Variants in ERLIN1 observed in about 807,000 individuals in gnomAD.
The protein encoded by ERLIN1 is erlin-1.
Under a neutral mutation model 46.9 loss-of-function variants are expected in ERLIN1, and 24 were observed. That is an observed-to-expected ratio of 0.51 (90% CI 0.37 to 0.72). The LOEUF is 0.72. Ranked by LOEUF, ERLIN1 falls within the 30% of genes least tolerant of loss-of-function variation. The probability of loss-of-function intolerance (pLI) is 0.00; values close to 1 mark genes in which losing one functional copy is unlikely to be tolerated. For synonymous variants in ERLIN1, 158 were observed against 143.2 expected (o/e 1.10, Z -0.74); for missense variants, 293 against 417.9 (o/e 0.70, Z 2.61).
intron 3 of ERLIN1, among the ~76,000 whole-genome samples, 189 bp from the exon 4 acceptor site, chr10:100,178,383 T>C (rs1431909819): frequency 6.6e-6 from 1 of 152,238 alleles, no homozygotes; most frequent in African/African-American, 2.4e-5. Context: ...CTTGTAATAG[T>C]CATTTAAAAT....
chr10:100,183,958 T>C, intron 1 of ERLIN1, 121 bp from the exon 2 acceptor site: 5 of 663,326 alleles, frequency 7.5e-6, no homozygotes, highest in Non-Finnish European at 2.6e-6. Context: ...GCCTCACTAA[T>C]ATGAATTGCT....
At chr10:100,184,320 T>C (rs569472174) in intron 1 of ERLIN1, among the ~76,000 whole-genome samples, 99 of 152,204 alleles carry the variant, frequency 6.5e-4, no homozygotes, top group African/African-American at 2.2e-3. Flanking sequence ...GTAATTAAAA[T>C]ACTGGGAACA....
chr10:100,172,447 T>C (rs1325581041), intron 6 of ERLIN1, among the ~76,000 whole-genome samples: 1 of 152,230 alleles, frequency 6.6e-6, no homozygotes, highest in African/African-American at 2.4e-5. Flanking sequence ...AACGTGTGTG[T>C]ATAAAAATTC....
intron 1 of ERLIN1, among the ~76,000 whole-genome samples, chr10:100,184,843 A>G (rs1328995915): frequency 1.3e-5 from 2 of 152,192 alleles, no homozygotes; most frequent in Non-Finnish European, 2.9e-5. Flanking sequence ...GCTCTTTTTG[A>G]ATACACCATT....
chr10:100,178,173 A>G lies in ERLIN1; in HGVS notation c.264T>C (p.Ile88=), dbSNP rs1844422734. ...ACATATTAACCACTTCTATTCGGTC[A>G]ATATAGATCATGACCCCACCACTAA... ...CGTSGGVMIY[I]DRIEVVNMLA... is the part of the protein sequence containing the mutation. The change falls in exon 4 of 11, where the codon ATT becomes ATC. Residue 88 remains isoleucine, a synonymous_variant. Coordinates refer to ENST00000421367, the MANE Select transcript of ERLIN1 (RefSeq NM_006459.4). 1 of 1,576,464 alleles carries G rather than the reference A, an allele frequency of 6.3e-7. No homozygotes were observed. The highest frequency in any genetic ancestry group is 1.3e-5 in the African/African-American group (1 of 74,122).
rs373866018 is a variant in ERLIN1, at chr10:100,177,316, A to G, written c.304+817T>C. On this transcript the variant is annotated intron_variant, in intron 4 of 10. Coordinates refer to ENST00000421367, the MANE Select transcript of ERLIN1 (RefSeq NM_006459.4). ...TAATCAAGGAAAGGAGAGGAAAAAA[A>G]GACAAGGAAAATGCTTACTCTCTGA... Among the ~76,000 whole-genome samples the G allele has an allele frequency of 4.7e-4, 71 of 152,318 alleles. 1 individual carries two copies. The East Asian group carries it at 0.012, about 26-fold the overall frequency.
intron 7 of ERLIN1, among the ~76,000 whole-genome samples, chr10:100,165,050 A>C (rs1474710334): frequency 6.6e-6 from 1 of 152,220 alleles, no homozygotes. Context: ...CTAAACCTGT[A>C]ATGGAAATGG....
chr10:100,161,723 GGA>G (rs1197305308), intron 8 of ERLIN1, among the ~76,000 whole-genome samples: 11 of 152,050 alleles, frequency 7.2e-5, no homozygotes, highest in Non-Finnish European at 1.5e-4. Flanking sequence ...TATTGAGGAA[GGA>G]GAGACCAAAA....
At chr10:100,154,496 G>C (rs979252028) in intron 10 of ERLIN1, among the ~76,000 whole-genome samples, 2 of 152,158 alleles carry the variant, frequency 1.3e-5, no homozygotes, top group Non-Finnish European at 2.9e-5. Context: ...CAAATGCCAG[G>C]AATGCCTTTG....
In ERLIN1 at chr10:100,183,747, A is replaced by T; in HGVS notation, c.195+9T>A. The T allele has an allele frequency of 6.3e-7, 1 of 1,596,712 alleles. No homozygotes were observed. The highest frequency in any genetic ancestry group is 8.6e-7 in the Non-Finnish European group (1 of 1,166,072). On this transcript the variant is annotated intron_variant, in intron 2 of 10. Transcript: ENST00000421367. ...TCTGGTATGGAGGCTTCCCCTAGGA[A>T]TCACTCACCTGCACAGATCTGAACG...
intron 8 of ERLIN1, among the ~76,000 whole-genome samples, chr10:100,158,385 G>C (rs1341269882): frequency 2.0e-5 from 3 of 152,200 alleles, no homozygotes; most frequent in African/African-American, 7.2e-5. Flanking sequence ...GGTGCAAGCA[G>C]CCAAACAAAA....
intron 6 of ERLIN1, among the ~76,000 whole-genome samples, chr10:100,171,693 G>A (rs1203106928): frequency 1.3e-5 from 2 of 152,184 alleles, no homozygotes; most frequent in Non-Finnish European, 2.9e-5. Flanking sequence ...TTACAGATGT[G>A]AGCCGCTATG....
Position 100,152,431 on chromosome 10 carries a change from C to T in ERLIN1, c.826-79G>A, listed in dbSNP as rs1032567154. 28 of 846,802 alleles carry T rather than the reference C, an allele frequency of 3.3e-5. No homozygotes were observed. In the South Asian group the frequency reaches 3.7e-4, roughly 11 times the overall value. The allele number at this position is 846,802 out of a possible 1,614,324, so 52.5% of individuals were successfully genotyped here. On this transcript the variant is annotated intron_variant, in intron 10 of 10. Coordinates refer to ENST00000421367, the MANE Select transcript of ERLIN1 (RefSeq NM_006459.4). ...TTCTCTCTCCCTATATACATTTCAC[C>T]TATTGCTCTCCTGAGTATCATGAGT...
rs192774670 is a variant in ERLIN1 at position 100,151,819 on chromosome 10, C to T, written c.*312G>A. On this transcript the variant is annotated 3_prime_UTR_variant, in exon 11 of 11. Transcript: ENST00000421367. ...CAACAGATCTCAGCTTAGGAAAACACAGCTTGTTATATATTTAGTGTTTAA... is the reference window on the plus strand; with the variant it reads ...CAACAGATCTCAGCTTAGGAAAACATAGCTTGTTATATATTTAGTGTTTAA... The T allele has an allele frequency of 2.6e-6, 1 of 391,276 alleles. No homozygotes were observed. Among genetic ancestry groups the T allele is most frequent in the Non-Finnish European group, 4.9e-6 (1 of 204,750 alleles). 24.2% of individuals were successfully genotyped at this position (391,276 alleles called of 1,614,324 possible).
intron 10 of ERLIN1, among the ~76,000 whole-genome samples, chr10:100,152,714 C>G (rs1842871590): frequency 6.6e-6 from 1 of 152,152 alleles, no homozygotes; most frequent in South Asian, 2.1e-4. Flanking sequence ...TGTTGATTCT[C>G]TTTTCTAAAA....
At chr10:100,171,302 T>C (rs1843978930) in intron 6 of ERLIN1, among the ~76,000 whole-genome samples, 1 of 152,146 alleles carries the variant, frequency 6.6e-6, no homozygotes, top group Non-Finnish European at 1.5e-5. Context: ...CCTATAAATA[T>C]AAAAAAGAGC....
At chr10:100,169,600 T>C (rs1843871294) in intron 6 of ERLIN1, among the ~76,000 whole-genome samples, 1 of 150,398 alleles carries the variant, frequency 6.6e-6, no homozygotes, top group Admixed American at 6.6e-5. Context: ...CTACCAAGAA[T>C]CAATCACATT....
rs546967434 is a variant in ERLIN1, at chr10:100,151,552, G to T, written c.*579C>A. 1.2e-5 allele frequency: 2 copies of T among 170,654 alleles called. No individual in the cohort carries two copies. The highest frequency in any genetic ancestry group is 2.7e-4 in the South Asian group (2 of 7,288). The allele number at this position is 170,654 out of a possible 1,614,324, so 10.6% of individuals were successfully genotyped here. ...GTCCCTGCAGGCCACCACCCTGACT[G>T]CAGGAAAACAGAAAGGTGCAAATCG... On this transcript the variant is annotated 3_prime_UTR_variant, in exon 11 of 11. Coordinates refer to ENST00000421367, the MANE Select transcript of ERLIN1 (RefSeq NM_006459.4).
chr10:100,151,881 C>G lies in ERLIN1; in HGVS notation c.*250G>C. 1 of 523,154 alleles carries G rather than the reference C, an allele frequency of 1.9e-6. No individual in the cohort carries two copies. The highest frequency in any genetic ancestry group is 2.0e-5 in the South Asian group (1 of 49,636). 32.4% of individuals were successfully genotyped at this position (523,154 alleles called of 1,614,324 possible). A position where few individuals can be genotyped will look rare whatever the true frequency, so the allele number is the denominator to read the frequency against. On this transcript the variant is annotated 3_prime_UTR_variant, in exon 11 of 11. Coordinates refer to ENST00000421367, the MANE Select transcript of ERLIN1 (RefSeq NM_006459.4). ...AGGCAGTATCTTAGCATCAGACTTT[C>G]CTCATTCATGAGTAGCAGTTTAGAA...
Sources: allele counts gnomAD v4.1 joint callset (sites outside exome capture counted in the v4.1 genomes callset), GRCh38; gene constraint gnomAD v4.1.1; transcripts MANE v1.5; gene names NCBI Gene and HGNC (gene_info 2026-07-23, HGNC 2026-07-21).